The following PHKB variants were observed in gnomAD, a reference collection of about 807,000 sequenced individuals.
PHKB encodes phosphorylase b kinase regulatory subunit beta.
A neutral mutation model predicts 152.1 loss-of-function variants in PHKB; 122 were observed. The ratio of observed to expected loss-of-function variants is 0.80; its 90% CI spans 0.69 to 0.93. PHKB has a LOEUF of 0.93. Among genes scored for constraint, PHKB ranks in the 40% least tolerant of loss-of-function variants. The pLI, the probability that PHKB is intolerant of heterozygous loss-of-function variation, is 0.00. For synonymous variants in PHKB, 436 were observed against 464.9 expected, an observed-to-expected ratio of 0.94 and a Z score of 0.80; for missense variants, 1,304 against 1,328.4, an observed-to-expected ratio of 0.98 and a Z score of 0.29.
intron 1 of PHKB, among the ~76,000 whole-genome samples, chr16:47,476,761 C>G (rs74874632): frequency 6.6e-6 from 1 of 152,206 alleles, no homozygotes; most frequent in Admixed American, 6.5e-5. Flanking sequence ...TTGACCCAAA[C>G]TAGACTTTTA....
At chr16:47,613,722 TCAC>T (rs1251852764) in intron 14 of PHKB, among the ~76,000 whole-genome samples, 2 of 152,238 alleles carry the variant, frequency 1.3e-5, no homozygotes, top group East Asian at 3.8e-4. Flanking sequence ...CCATCCCATA[TCAC>T]CATAAGGCTT....
chr16:47,484,884 C>T (rs1970023807), intron 1 of PHKB, among the ~76,000 whole-genome samples: 1 of 152,108 alleles, frequency 6.6e-6, no homozygotes, highest in Admixed American at 6.5e-5. Context: ...AGCATTTTTA[C>T]AATCAGAACT....
At chr16:47,560,912 G>A (rs1336751784) in intron 7 of PHKB, among the ~76,000 whole-genome samples, 1 of 152,106 alleles carries the variant, frequency 6.6e-6, no homozygotes, top group Non-Finnish European at 1.5e-5. Flanking sequence ...TTTGTGGGAA[G>A]ATTTTTGCAA....
intron 6 of PHKB, 120 bp from the exon 7 acceptor site, chr16:47,547,313 A>T: frequency 1.4e-6 from 1 of 690,392 alleles, no homozygotes; most frequent in Middle Eastern, 3.2e-4. Context: ...CAAACTCCCA[A>T]CCTCATGTAA....
chr16:47,465,803 T>A lies in PHKB; in HGVS notation c.76+4377T>A, dbSNP rs532429715. 1.9e-4 allele frequency among the ~76,000 whole-genome samples: 29 copies of A among 152,372 alleles called. 1 individual carries two copies. Among genetic ancestry groups the A allele is most frequent in the African/African-American group, 6.5e-4 (27 of 41,590 alleles). On this transcript the variant is annotated intron_variant, in intron 1 of 30. Transcript: ENST00000323584. ...TACTCCATTTATATTGGAAATGATT[T>A]GCTTTCCCCTATTGTAGTTCTTTGG...
intron 16 of PHKB, 39 bp from the exon 17 acceptor site, chr16:47,648,494 T>G: frequency 7.4e-7 from 1 of 1,342,684 alleles, no homozygotes; most frequent in Non-Finnish European, 1.1e-6. Flanking sequence ...GTGACATGGA[T>G]TCTTACCTGA....
chr16:47,618,699 AAC>A (rs1972565005), intron 14 of PHKB, among the ~76,000 whole-genome samples: 3 of 152,296 alleles, frequency 2.0e-5, no homozygotes, highest in Admixed American at 2.0e-4. Context: ...TTCTTAGAAA[AAC>A]AGTGTCTGCT....
chr16:47,556,718 G>T (rs1036481707), intron 7 of PHKB, among the ~76,000 whole-genome samples: 2 of 152,174 alleles, frequency 1.3e-5, no homozygotes, highest in African/African-American at 2.4e-5. Flanking sequence ...AAGGATATTG[G>T]TCTAAAATTC....
intron 1 of PHKB, chr16:47,464,232 G>A: frequency 1.9e-6 from 1 of 531,160 alleles, no homozygotes; most frequent in Non-Finnish European, 3.4e-6. Flanking sequence ...ATATTTGCAA[G>A]CAGAGGCAGT....
intron 26 of PHKB, among the ~76,000 whole-genome samples, chr16:47,684,922 G>A (rs1054821340): frequency 2.6e-5 from 4 of 152,310 alleles, no homozygotes; most frequent in African/African-American, 9.6e-5. Context: ...AGGTTGATTT[G>A]GTCAGTCGTG....
intron 7 of PHKB, among the ~76,000 whole-genome samples, chr16:47,557,387 C>A (rs1173030713): frequency 1.3e-5 from 2 of 151,946 alleles, no homozygotes; most frequent in Middle Eastern, 3.4e-3. Context: ...ACAAATGGGA[C>A]CTAATTAAAC....
At chr16:47,525,036 T>C (rs1379951965) in intron 6 of PHKB, among the ~76,000 whole-genome samples, 1 of 152,244 alleles carries the variant, frequency 6.6e-6, no homozygotes, top group Non-Finnish European at 1.5e-5. Flanking sequence ...TTTAGTTGGC[T>C]TTAGTATTCT....
intron 14 of PHKB, among the ~76,000 whole-genome samples, chr16:47,623,694 C>G (rs1972659274): frequency 1.3e-5 from 2 of 151,176 alleles, no homozygotes; most frequent in Admixed American, 1.3e-4. Flanking sequence ...GCTGGGATTA[C>G]AGGGACCTGC....
At chr16:47,634,983 T>C (rs1390815961) in intron 14 of PHKB, among the ~76,000 whole-genome samples, 1 of 152,198 alleles carries the variant, frequency 6.6e-6, no homozygotes, top group Non-Finnish European at 1.5e-5. Flanking sequence ...GTTTTCAGGA[T>C]GGACTGCTGT....
intron 20 of PHKB, among the ~76,000 whole-genome samples, chr16:47,660,155 C>T (rs567946847): frequency 3.2e-4 from 49 of 152,272 alleles, no homozygotes; most frequent in Non-Finnish European, 6.3e-4. Flanking sequence ...AGCCACTGCA[C>T]CCTGTCAGAA....
At chr16:47,508,556 G>A (rs1480771471) in intron 4 of PHKB, among the ~76,000 whole-genome samples, 1 of 151,912 alleles carries the variant, frequency 6.6e-6, no homozygotes, top group Non-Finnish European at 1.5e-5. Flanking sequence ...AATGTTTTAA[G>A]GCTATAAGTT....
chr16:47,643,084 G>A (rs563674851), intron 16 of PHKB, among the ~76,000 whole-genome samples: 1 of 152,110 alleles, frequency 6.6e-6, no homozygotes, highest in Non-Finnish European at 1.5e-5. Context: ...ACCCAAATCT[G>A]TTTTTTCTAG....
In PHKB at chr16:47,700,732, A is replaced by T. The variant is rs558659613; in HGVS notation, c.*1366A>T. The T allele has an allele frequency of 2.0e-5, 3 of 152,292 alleles. No individual in the cohort carries two copies. The highest frequency in any genetic ancestry group is 4.1e-4 in the South Asian group (2 of 4,824). The allele number at this position is 152,292 out of a possible 1,614,324, so 9.4% of individuals were successfully genotyped here. The stretch of plus-strand genomic sequence containing the variant: ...GAGAGTTGTTTTTCTGATCAATCTT[A>T]CTGGAGTTTCACCTGAGAAGATAGA... On this transcript the variant is annotated 3_prime_UTR_variant, in exon 31 of 31. Transcript: ENST00000323584.
chr16:47,625,907 C>T (rs1184966672), intron 14 of PHKB, among the ~76,000 whole-genome samples: 2 of 152,102 alleles, frequency 1.3e-5, no homozygotes, highest in East Asian at 1.9e-4. Context: ...TTGGATGCTC[C>T]CTGTCTTGCC....
Sources: allele counts gnomAD v4.1 joint callset (sites outside exome capture counted in the v4.1 genomes callset), GRCh38; gene constraint gnomAD v4.1.1; transcripts MANE v1.5; gene names NCBI Gene and HGNC (gene_info 2026-07-23, HGNC 2026-07-21).